FRYL: variants seen among roughly 807,000 people sequenced by gnomAD.
The protein encoded by FRYL is protein furry homolog-like.
A neutral mutation model predicts 351.2 loss-of-function variants in FRYL; 150 were observed. The observed-to-expected ratio is 0.43, with a 90% CI of 0.37 to 0.49. The LOEUF is 0.49. Ranked by LOEUF, FRYL falls within the 20% of genes least tolerant of loss-of-function variation. The pLI is 0.00. For synonymous variants in FRYL, 1,153 were observed against 1,257.1 expected, an observed-to-expected ratio of 0.92 and a Z score of 1.75; for missense variants, 3,036 against 3,619.3, an observed-to-expected ratio of 0.84 and a Z score of 4.13.
intron 1 of FRYL, among the ~76,000 whole-genome samples, chr4:48,712,537 G>C (rs1768212193): frequency 6.6e-6 from 1 of 152,144 alleles, no homozygotes; most frequent in Admixed American, 6.6e-5. Flanking sequence ...AAAAAGAAAT[G>C]AACAAAGCCT....
At chr4:48,743,888 A>G (rs1200359487) in intron 1 of FRYL, among the ~76,000 whole-genome samples, 1 of 152,116 alleles carries the variant, frequency 6.6e-6, no homozygotes, top group Non-Finnish European at 1.5e-5. Flanking sequence ...TCAAGCCTCC[A>G]CTATCACTTG....
chr4:48,657,059 T>G (rs936561043), intron 3 of FRYL, among the ~76,000 whole-genome samples: 2 of 152,230 alleles, frequency 1.3e-5, no homozygotes, highest in Non-Finnish European at 2.9e-5. Context: ...TCATCCAGTT[T>G]AGCAAAGTAT....
Position 48,573,196 on chromosome 4 carries a change from C to T in FRYL, c.2894G>A (p.Arg965Lys), listed in dbSNP as rs1312446512. ...CAGAACACAGCTCACCTCTGGCCTT[C>T]TTTCGAGTGCTTCTTTAATTATGGG... ...LHPIIKEALERRPENMKRRRR... is the reference protein window; with the variant it reads ...LHPIIKEALEKRPENMKRRRR... The change falls in exon 26 of 64, where the codon AGA becomes AAA. Residue 965 changes from arginine (R) to lysine (K), a missense_variant. By Grantham distance (26) the Arg-to-Lys change is conservative (BLOSUM62 2). Coordinates refer to ENST00000358350, the MANE Select transcript of FRYL (RefSeq NM_015030.2). 1.2e-6 allele frequency: 2 copies of T among 1,612,408 alleles called. No individual in the cohort carries two copies. The highest frequency in any genetic ancestry group is 1.6e-4 in the Middle Eastern group (1 of 6,084).
intron 35 of FRYL, 56 bp downstream of exon 35, chr4:48,556,922 A>G: frequency 7.1e-7 from 1 of 1,414,248 alleles, no homozygotes; most frequent in African/African-American, 1.4e-5. Flanking sequence ...CTGACATCAC[A>G]AGATACTAGT....
chr4:48,525,711 G>C (rs891289314), intron 53 of FRYL, among the ~76,000 whole-genome samples: 4 of 152,022 alleles, frequency 2.6e-5, no homozygotes, highest in Non-Finnish European at 5.9e-5. Context: ...GAATGTGTAT[G>C]AGCTGTATAT....
At chr4:48,775,598 T>C (rs1055620407) in intron 1 of FRYL, among the ~76,000 whole-genome samples, 1 of 152,168 alleles carries the variant, frequency 6.6e-6, no homozygotes. Context: ...TTTTTATAAT[T>C]AGCAACTTAA....
At chr4:48,545,046 C>T (rs181957677) in intron 42 of FRYL, 142 bp from the exon 43 acceptor site, 8 of 729,332 alleles carry the variant, frequency 1.1e-5, no homozygotes. Context: ...TACTTAGGCA[C>T]ATGAATATGT....
At chr4:48,651,625 CA>C (rs1383361163) in intron 3 of FRYL, among the ~76,000 whole-genome samples, 1 of 152,164 alleles carries the variant, frequency 6.6e-6, no homozygotes, top group Non-Finnish European at 1.5e-5. Context: ...GAGAAAGGAA[CA>C]CGTTTTATAC....
Position 48,535,742 on chromosome 4 carries a change from C to A in FRYL, c.6479G>T (p.Cys2160Phe). 6.2e-7 allele frequency: 1 copy of A among 1,610,968 alleles called. No individual in the cohort carries two copies. Among genetic ancestry groups the A allele is most frequent in the Non-Finnish European group, 8.5e-7 (1 of 1,178,200 alleles). The change falls in exon 48 of 64, where the codon TGT (cysteine) becomes TTT (phenylalanine). Residue 2160 changes from cysteine to phenylalanine, a missense_variant. Transcript: ENST00000358350. ...LYSTHTYSRD[C>F]SNWINVVCRY... ...GCACACGACATTGATCCAGTTAGAACAGTCTCTGGAATACGTGTGTGTACT... is the reference window on the plus strand; with the variant it reads ...GCACACGACATTGATCCAGTTAGAAAAGTCTCTGGAATACGTGTGTGTACT...
chr4:48,657,324 C>G (rs1759418405), intron 3 of FRYL, among the ~76,000 whole-genome samples: 1 of 151,670 alleles, frequency 6.6e-6, no homozygotes, highest in Non-Finnish European at 1.5e-5. Flanking sequence ...GTGCACACCA[C>G]CACGCCCAGC....
At chr4:48,593,159 A>G (rs115503478) in intron 16 of FRYL, among the ~76,000 whole-genome samples, 94 of 151,948 alleles carry the variant, frequency 6.2e-4, no homozygotes, top group African/African-American at 2.1e-3. Context: ...TTTTTTCTAT[A>G]ACACCTAGAA....
intron 49 of FRYL, among the ~76,000 whole-genome samples, chr4:48,533,179 T>C (rs1728069989): frequency 6.6e-6 from 1 of 152,174 alleles, no homozygotes; most frequent in Admixed American, 6.5e-5. Flanking sequence ...CTTGTGGTTC[T>C]GAACATAAGA....
At chr4:48,683,845 A>G (rs1443567765) in intron 3 of FRYL, among the ~76,000 whole-genome samples, 3 of 152,186 alleles carry the variant, frequency 2.0e-5, no homozygotes, top group Non-Finnish European at 4.4e-5. Context: ...AATATGCCTA[A>G]AACTCATTCC....
At chr4:48,599,732 T>A (rs929506920) in intron 13 of FRYL, among the ~76,000 whole-genome samples, 3 of 152,162 alleles carry the variant, frequency 2.0e-5, no homozygotes, top group African/African-American at 7.2e-5. Flanking sequence ...TCTTTCAGCC[T>A]CATGTACAGT....
chr4:48,546,161 T>G lies in FRYL; in HGVS notation c.5185A>C (p.Ile1729Leu), dbSNP rs200773615. 56 of 1,613,748 alleles carry G rather than the reference T, an allele frequency of 3.5e-5. No homozygotes were observed. The highest frequency in any genetic ancestry group is 4.7e-5 in the Non-Finnish European group (55 of 1,179,822). Residue 1729 changes from isoleucine (I) to leucine (L), a missense_variant, in exon 42 of 64, where the codon ATT (isoleucine) becomes CTT (leucine). This residue lies in a region of FRYL where 1,987 missense variants were observed against 2,311.7 expected (regional missense o/e 0.86). Transcript: ENST00000358350. The part of the protein sequence containing the change: ...SISLGNNSAA[I>L]SHLHTTILNE... Reference sequence around the variant, plus strand: ...AGGATAGTGGTGTGCAGATGTGAAATGGCAGCACTGTTATTTCCTAAGCTG... The same window carrying G: ...AGGATAGTGGTGTGCAGATGTGAAAGGGCAGCACTGTTATTTCCTAAGCTG...
intron 49 of FRYL, among the ~76,000 whole-genome samples, chr4:48,531,959 A>G (rs537566182): frequency 6.6e-6 from 1 of 152,000 alleles, no homozygotes; most frequent in Non-Finnish European, 1.5e-5. Context: ...TTTTAAAAAA[A>G]TTTTTCTGCT....
At chr4:48,744,719 T>C (rs1772473172) in intron 1 of FRYL, among the ~76,000 whole-genome samples, 1 of 152,178 alleles carries the variant, frequency 6.6e-6, no homozygotes, top group Non-Finnish European at 1.5e-5. Flanking sequence ...GTTTTAAAAA[T>C]CCTTCCCATA....
At chr4:48,746,921 G>A (rs1419811300) in intron 1 of FRYL, among the ~76,000 whole-genome samples, 1 of 152,144 alleles carries the variant, frequency 6.6e-6, no homozygotes, top group Non-Finnish European at 1.5e-5. Flanking sequence ...GACAACCCAC[G>A]TGAGAAATGC....
intron 4 of FRYL, among the ~76,000 whole-genome samples, chr4:48,630,384 T>C (rs1218079140): frequency 6.6e-6 from 1 of 152,088 alleles, no homozygotes; most frequent in East Asian, 1.9e-4. Context: ...ATTTATACTC[T>C]CAAAAAAAAT....
Sources: allele counts gnomAD v4.1 joint callset (sites outside exome capture counted in the v4.1 genomes callset), GRCh38; gene constraint gnomAD v4.1.1; regional missense constraint gnomAD v4.1.1; transcripts MANE v1.5; gene names NCBI Gene and HGNC (gene_info 2026-07-23, HGNC 2026-07-21).